ACAP2: variants seen among roughly 807,000 people sequenced by gnomAD.
ACAP2 encodes the protein arf-GAP with coiled-coil, ANK repeat and PH domain-containing protein 2.
A neutral mutation model predicts 115.8 loss-of-function variants in ACAP2; 39 were observed. The observed-to-expected ratio is 0.34, with a 90% CI of 0.26 to 0.44. The LOEUF (loss-of-function observed/expected upper bound fraction) is 0.44. ACAP2 is among the 20% of genes least tolerant of loss of function. The pLI, the probability that ACAP2 is intolerant of heterozygous loss-of-function variation, is 1.00. For synonymous variants in ACAP2, 289 were observed against 315.8 expected, an observed-to-expected ratio of 0.92 and a Z score of 0.90; for missense variants, 662 against 927.6, an observed-to-expected ratio of 0.71 and a Z score of 3.72.
At chr3:195,424,009 A>G (rs2108839779) in intron 1 of ACAP2, among the ~76,000 whole-genome samples, 1 of 152,026 alleles carries the variant, frequency 6.6e-6, no homozygotes, top group East Asian at 1.9e-4. Context: ...GTATGACTAC[A>G]TAGCATGCAT....
At chr3:195,338,772 T>C (rs541672740) in intron 6 of ACAP2, among the ~76,000 whole-genome samples, 1 of 152,204 alleles carries the variant, frequency 6.6e-6, no homozygotes, top group Non-Finnish European at 1.5e-5. Context: ...ATGAAATGTT[T>C]AAAAAAAGAA....
chr3:195,304,300 T>C (rs1202599985), intron 13 of ACAP2, among the ~76,000 whole-genome samples: 1 of 151,430 alleles, frequency 6.6e-6, no homozygotes, highest in Non-Finnish European at 1.5e-5. Context: ...GGAAAGAATA[T>C]CAATATTATA....
intron 1 of ACAP2, among the ~76,000 whole-genome samples, chr3:195,402,254 G>GA (rs1397790872): frequency 1.3e-5 from 2 of 152,102 alleles, no homozygotes; most frequent in Non-Finnish European, 2.9e-5. Context: ...GCGGCCTGGG[G>GA]TCACGCAAAA....
intron 6 of ACAP2, among the ~76,000 whole-genome samples, chr3:195,340,080 A>C (rs995135682): frequency 1.3e-5 from 2 of 151,590 alleles, no homozygotes; most frequent in African/African-American, 4.9e-5. Context: ...AATTAGTGAC[A>C]GGGCAGGTAA....
At chr3:195,312,159 C>T (rs1577280887) in intron 10 of ACAP2, among the ~76,000 whole-genome samples, 1 of 152,132 alleles carries the variant, frequency 6.6e-6, no homozygotes, top group South Asian at 2.1e-4. Flanking sequence ...AAAAGTCAAA[C>T]TTCTAAATCT....
chr3:195,308,599 C>T (rs1344863252), intron 11 of ACAP2, among the ~76,000 whole-genome samples, 187 bp downstream of exon 11: 1 of 152,158 alleles, frequency 6.6e-6, no homozygotes, highest in East Asian at 1.9e-4. Flanking sequence ...ATTCAAATCA[C>T]TTTGCTTTTA....
At chr3:195,310,790 T>A (rs531597280) in intron 10 of ACAP2, among the ~76,000 whole-genome samples, 1 of 152,196 alleles carries the variant, frequency 6.6e-6, no homozygotes, top group African/African-American at 2.4e-5. Context: ...CTGCCATCGA[T>A]CTGCTTCTGA....
intron 1 of ACAP2, among the ~76,000 whole-genome samples, chr3:195,413,240 C>G (rs1039090780): frequency 2.0e-5 from 3 of 152,070 alleles, no homozygotes; most frequent in African/African-American, 7.2e-5. Context: ...TTTCTTATGT[C>G]ACAACATTCA....
rs375233986 is a variant in ACAP2 at position 195,296,434 on chromosome 3, C to A, written c.1488-542G>T. On this transcript the variant is annotated intron_variant, in intron 16 of 22. Coordinates refer to ENST00000326793, the MANE Select transcript of ACAP2 (RefSeq NM_012287.6). The stretch of plus-strand genomic sequence containing the variant: ...TCTGTTCTATACTTTTTACTTATAT[C>A]CTCTTAAAAAGTTTAGGTCTTTGGT... 1.3e-4 allele frequency among the ~76,000 whole-genome samples: 20 copies of A among 152,162 alleles called. No individual in the cohort carries two copies. In the East Asian group the frequency reaches 3.7e-3, roughly 28 times the overall value.
At chr3:195,393,557 A>T (rs182098937) in intron 1 of ACAP2, among the ~76,000 whole-genome samples, 199 of 152,364 alleles carry the variant, frequency 1.3e-3, no homozygotes, top group African/African-American at 4.6e-3. Context: ...AGAAACAGAA[A>T]TACTTCTTCC....
chr3:195,335,704 T>C (rs1730454421), intron 7 of ACAP2, among the ~76,000 whole-genome samples: 1 of 152,092 alleles, frequency 6.6e-6, no homozygotes, highest in African/African-American at 2.4e-5. Context: ...TGATAAGATA[T>C]AACACAAATA....
chr3:195,331,873 G>A (rs142623616), intron 8 of ACAP2, among the ~76,000 whole-genome samples: 6 of 152,088 alleles, frequency 3.9e-5, no homozygotes, highest in Admixed American at 6.5e-5. Context: ...AGTGGCTCAC[G>A]CCTATAATCC....
At chr3:195,435,273 CAA>C (rs1715449342) in intron 1 of ACAP2, among the ~76,000 whole-genome samples, 1 of 150,406 alleles carries the variant, frequency 6.6e-6, no homozygotes, top group Admixed American at 6.6e-5. Flanking sequence ...CCCCCGGGTT[CAA>C]GTGATTCTCC....
intron 4 of ACAP2, among the ~76,000 whole-genome samples, chr3:195,363,994 T>C (rs1020119024): frequency 2.0e-5 from 3 of 152,138 alleles, no homozygotes; most frequent in Admixed American, 6.5e-5. Flanking sequence ...CCTCAAATTA[T>C]GAAACTACTA....
chr3:195,388,921 G>A (rs1487401987), intron 2 of ACAP2, among the ~76,000 whole-genome samples: 4 of 151,902 alleles, frequency 2.6e-5, no homozygotes, highest in Non-Finnish European at 5.9e-5. Flanking sequence ...CTACTCAGGA[G>A]GCTGAGGCAG....
intron 4 of ACAP2, among the ~76,000 whole-genome samples, chr3:195,379,297 T>C (rs997847395): frequency 2.0e-5 from 3 of 152,050 alleles, no homozygotes; most frequent in Admixed American, 2.0e-4. Flanking sequence ...AAAGACAAAA[T>C]AGATAAACTG....
At chr3:195,370,493 T>C (rs564210475) in intron 4 of ACAP2, among the ~76,000 whole-genome samples, 2 of 152,308 alleles carry the variant, frequency 1.3e-5, no homozygotes, top group South Asian at 2.1e-4. Flanking sequence ...ATTTACTGAA[T>C]AGGGAAGTCC....
intron 4 of ACAP2, among the ~76,000 whole-genome samples, chr3:195,379,585 G>C (rs979552357): frequency 3.3e-5 from 5 of 152,158 alleles, no homozygotes; most frequent in African/African-American, 9.7e-5. Flanking sequence ...TTGAGCCCAG[G>C]AGTTCAAGAC....
At chr3:195,380,141 A>G (rs1420288564) in intron 4 of ACAP2, among the ~76,000 whole-genome samples, 1 of 152,184 alleles carries the variant, frequency 6.6e-6, no homozygotes, top group African/African-American at 2.4e-5. Flanking sequence ...ACACCTAGGT[A>G]CATGCCCAAA....
Sources: allele counts gnomAD v4.1 joint callset (sites outside exome capture counted in the v4.1 genomes callset), GRCh38; gene constraint gnomAD v4.1.1; transcripts MANE v1.5; gene names NCBI Gene and HGNC (gene_info 2026-07-23, HGNC 2026-07-21).